The following CFAP54 variants were observed in gnomAD, a reference collection of about 807,000 sequenced individuals.
The protein encoded by CFAP54 is cilia- and flagella-associated protein 54.
Under a neutral mutation model 370.4 loss-of-function variants are expected in CFAP54, and 290 were observed. The observed-to-expected ratio is 0.78, with a 90% CI of 0.71 to 0.86. The LOEUF is 0.86. Ranked by LOEUF, CFAP54 falls within the 40% of genes least tolerant of loss-of-function variation. The pLI is 0.00. For missense variants in CFAP54, 3,399 were observed against 3,528.7 expected (o/e 0.96, Z 0.93); for synonymous variants, 1,206 against 1,236.5 (o/e 0.98, Z 0.52).
chr12:96,818,302 T>G (rs1461290091), intron 65 of CFAP54, among the ~76,000 whole-genome samples: 7 of 152,228 alleles, frequency 4.6e-5, no homozygotes, highest in Admixed American at 4.6e-4. Context: ...ATAAGCATAT[T>G]TTTTCAGACT....
rs761930475 is a variant in CFAP54 at position 96,685,200 on chromosome 12, G to C, written c.5976G>C (p.Gly1992=). The C allele has an allele frequency of 1.2e-6, 2 of 1,614,080 alleles. No individual in the cohort carries two copies. The highest frequency in any genetic ancestry group is 2.2e-5 in the East Asian group (1 of 44,870). ...EEFLSRVGIW[G]CLQGAVISAK... ...TTCTGTCAAGAGTTGGCATCTGGGG[G>C]TGTTTGCAAGGAGCAGTCATATCAG... Residue 1992 remains glycine, a synonymous_variant, in exon 42 of 68, where the codon GGG becomes GGC. Transcript: ENST00000524981.
intron 1 of CFAP54, 129 bp downstream of exon 1, chr12:96,490,055 A>G (rs1592809086): frequency 5.0e-6 from 4 of 802,028 alleles, no homozygotes; most frequent in Non-Finnish European, 7.7e-6. Context: ...TGAAGGGCCC[A>G]GGAGAGACAA....
chr12:96,592,931 C>T (rs1402035883), intron 24 of CFAP54, among the ~76,000 whole-genome samples: 1 of 152,016 alleles, frequency 6.6e-6, no homozygotes, highest in Non-Finnish European at 1.5e-5. Flanking sequence ...ATCTTATTAC[C>T]TCTAAGAATA....
At chr12:96,554,845 A>C in intron 17 of CFAP54, 43 bp downstream of exon 17, 2 of 1,501,074 alleles carry the variant, frequency 1.3e-6, no homozygotes, top group Non-Finnish European at 1.8e-6. Flanking sequence ...ATCAATTTTA[A>C]GCCAGACTCC....
In CFAP54 at chr12:96,656,502, C is replaced by A. The variant is rs554868211; in HGVS notation, c.5101-1380C>A. On this transcript the variant is annotated intron_variant, in intron 36 of 67. Transcript: ENST00000524981. ...AAGCGATTCATTCTCCTGCCTCAGC[C>A]TCCTGAGTAGCTGAGATTACAGGCA... 9.6e-4 allele frequency among the ~76,000 whole-genome samples: 146 copies of A among 152,346 alleles called. 2 individuals carry two copies. Among genetic ancestry groups the A allele is most frequent in the African/African-American group, 3.4e-3 (140 of 41,576 alleles).
chr12:96,604,419 C>T (rs1956279430), intron 26 of CFAP54, among the ~76,000 whole-genome samples: 1 of 152,190 alleles, frequency 6.6e-6, no homozygotes. Flanking sequence ...GGTCAGGGAC[C>T]CACTTGAGGA....
Position 96,872,317 on chromosome 12 carries a change from A to AT in CFAP54, c.*15-2801_*15-2800insT, listed in dbSNP as rs1960191942. On this transcript the variant is annotated intron_variant, in intron 67 of 67. Coordinates refer to ENST00000524981, the MANE Select transcript of CFAP54 (RefSeq NM_001306084.2). ...GAAAGAAAAAAAAAGTCAACCTATTAATCTAGATGACTTACACTAGACTTA... is the reference window on the plus strand; with the variant it reads ...GAAAGAAAAAAAAAGTCAACCTATTATATCTAGATGACTTACACTAGACTTA... 2.6e-5 allele frequency among the ~76,000 whole-genome samples: 4 copies of AT among 152,204 alleles called. No individual in the cohort carries two copies. The South Asian group carries it at 8.3e-4, about 32-fold the overall frequency.
chr12:96,647,868 C>G lies in CFAP54; in HGVS notation c.4548-7C>G. On this transcript the variant is annotated splice_polypyrimidine_tract_variant and splice_region_variant and intron_variant, in intron 33 of 67. Coordinates refer to ENST00000524981, the MANE Select transcript of CFAP54 (RefSeq NM_001306084.2). ...TGTTTTTTAATATGATTTTTCCCCC[C>G]TTGCAGTTTCCGATCATGTGATCCT... 1.3e-6 allele frequency: 2 copies of G among 1,494,946 alleles called. No individual in the cohort carries two copies. The highest frequency in any genetic ancestry group is 8.8e-7 in the Non-Finnish European group (1 of 1,132,138). 92.6% of individuals were successfully genotyped at this position (1,494,946 alleles called of 1,614,324 possible). A position where few individuals can be genotyped will look rare whatever the true frequency, so the allele number is the denominator to read the frequency against.
At chr12:96,501,252 C>T (rs1324326939) in intron 2 of CFAP54, 1 of 191,002 alleles carries the variant, frequency 5.2e-6, no homozygotes, top group Admixed American at 5.9e-5. Context: ...CGTGTTCCTA[C>T]CTTATACAAA....
chr12:96,860,134 ATTTTTTTT>A (rs137937553), intron 66 of CFAP54, among the ~76,000 whole-genome samples: 1 of 127,964 alleles, frequency 7.8e-6, no homozygotes, highest in Non-Finnish European at 1.6e-5. Flanking sequence ...TTGTTCTCTA[ATTTTTTTT>A]TTTTTTTTTT....
intron 66 of CFAP54, among the ~76,000 whole-genome samples, chr12:96,854,012 T>A (rs1023058049): frequency 3.3e-5 from 5 of 152,080 alleles, no homozygotes; most frequent in East Asian, 3.9e-4. Flanking sequence ...TTATTTTTTT[T>A]AAAAAGCCAT....
chr12:96,794,309 C>T (rs1207220603), intron 63 of CFAP54, among the ~76,000 whole-genome samples: 1 of 152,110 alleles, frequency 6.6e-6, no homozygotes, highest in Non-Finnish European at 1.5e-5. Flanking sequence ...CGACATTTTC[C>T]TTGATTGTTT....
At chr12:96,535,365 A>T (rs1222616677) in intron 11 of CFAP54, 150 bp from the exon 12 acceptor site, 3 of 607,314 alleles carry the variant, frequency 4.9e-6, no homozygotes, top group Non-Finnish European at 8.7e-6. Flanking sequence ...TAGTTTTCAT[A>T]TAGAAGTATT....
At chr12:96,612,515 C>T (rs1338351682) in intron 26 of CFAP54, among the ~76,000 whole-genome samples, 4 of 152,206 alleles carry the variant, frequency 2.6e-5, no homozygotes, top group Admixed American at 2.6e-4. Flanking sequence ...ATTATAATAA[C>T]ATGATCAAAT....
At chr12:96,558,238 G>A (rs12229998) in intron 17 of CFAP54, among the ~76,000 whole-genome samples, 24,870 of 151,876 alleles carry the variant, frequency 0.16, 3,257 homozygotes, top group East Asian at 0.51. Flanking sequence ...AAAATTGAAA[G>A]TTTTCCTAGG....
intron 24 of CFAP54, among the ~76,000 whole-genome samples, chr12:96,593,610 G>C (rs1374864265): frequency 6.6e-6 from 1 of 151,976 alleles, no homozygotes; most frequent in Non-Finnish European, 1.5e-5. Context: ...CAGAATGCTA[G>C]ACTACCATTT....
At chr12:96,632,322 T>C (rs1158914253) in intron 32 of CFAP54, among the ~76,000 whole-genome samples, 2 of 152,052 alleles carry the variant, frequency 1.3e-5, no homozygotes, top group East Asian at 3.8e-4. Context: ...AATGTTTCCC[T>C]TTATTGTTTT....
chr12:96,639,544 A>G (rs566339562), intron 32 of CFAP54, among the ~76,000 whole-genome samples: 2 of 152,204 alleles, frequency 1.3e-5, no homozygotes, highest in Non-Finnish European at 2.9e-5. Flanking sequence ...ATTCCAATCA[A>G]TAGAAAAAGA....
intron 26 of CFAP54, among the ~76,000 whole-genome samples, chr12:96,612,619 T>C (rs980843521): frequency 2.0e-5 from 3 of 152,186 alleles, no homozygotes; most frequent in Non-Finnish European, 4.4e-5. Flanking sequence ...TCAAGACCCA[T>C]TGGTGTGCTG....
Sources: gnomAD v4.1 joint callset for allele counts (sites outside exome capture counted in the v4.1 genomes callset) on GRCh38, gnomAD v4.1.1 for gene constraint, MANE v1.5 for transcripts, NCBI Gene and HGNC (gene_info 2026-07-23, HGNC 2026-07-21) for gene names.